TTC39B: variants seen among roughly 807,000 people sequenced by gnomAD.
TTC39B encodes tetratricopeptide repeat protein 39B.
TTC39B carries 92 observed loss-of-function variants against 96.6 expected under a neutral mutation model. The ratio of observed to expected loss-of-function variants is 0.95; its 90% confidence interval spans 0.80 to 1.13. The LOEUF (loss-of-function observed/expected upper bound fraction) is 1.13, where lower values mean the gene tolerates loss of function less well. Among genes scored for constraint, TTC39B ranks in the 50% most tolerant of loss-of-function variants. TTC39B has a pLI of 0.00. For synonymous variants in TTC39B, 367 were observed against 299.4 expected, an observed-to-expected ratio of 1.23 and a Z score of -2.33; for missense variants, 955 against 809.3, an observed-to-expected ratio of 1.18 and a Z score of -2.18.
chr9:15,192,761 AT>A, intron 8 of TTC39B, 66 bp from the exon 9 acceptor site: 2 of 1,084,414 alleles, frequency 1.8e-6, no homozygotes, highest in Non-Finnish European at 1.4e-6. Context: ...ATTAAATCAA[AT>A]TTTACACTTA....
At chr9:15,201,282 T>A (rs1394407121) in intron 7 of TTC39B, among the ~76,000 whole-genome samples, 1 of 150,304 alleles carries the variant, frequency 6.7e-6, no homozygotes, top group African/African-American at 2.5e-5. Flanking sequence ...AACAAACATA[T>A]CTCATTTCAG....
chr9:15,272,247 A>G (rs905502825), intron 1 of TTC39B, among the ~76,000 whole-genome samples: 1 of 152,150 alleles, frequency 6.6e-6, no homozygotes, highest in African/African-American at 2.4e-5. Context: ...TCACGCATGT[A>G]TTCTTCATGT....
At chr9:15,192,203 C>T (rs1818897545) in intron 9 of TTC39B, among the ~76,000 whole-genome samples, 1 of 152,204 alleles carries the variant, frequency 6.6e-6, no homozygotes, top group Admixed American at 6.5e-5. Context: ...ACTCAGACTT[C>T]CATCTCCTCA....
chr9:15,186,903 T>C (rs1293892267), intron 15 of TTC39B, 41 bp downstream of exon 15: 3 of 1,581,394 alleles, frequency 1.9e-6, no homozygotes, highest in East Asian at 2.2e-5. Flanking sequence ...TGCCCCTTTA[T>C]ACCCTCAGAG....
chr9:15,233,360 A>C (rs924187058), intron 2 of TTC39B, among the ~76,000 whole-genome samples: 1 of 151,326 alleles, frequency 6.6e-6, no homozygotes, highest in Non-Finnish European at 1.5e-5. Context: ...CTCTCTCCCC[A>C]CGGTCTCCCT....
At chr9:15,208,475 A>G (rs1244096431) in intron 6 of TTC39B, among the ~76,000 whole-genome samples, 1 of 152,204 alleles carries the variant, frequency 6.6e-6, no homozygotes, top group Non-Finnish European at 1.5e-5. Context: ...TAGAGAGAGT[A>G]ACAGAAAGGA....
At chr9:15,296,813 A>T (rs990984828) in intron 1 of TTC39B, among the ~76,000 whole-genome samples, 1 of 151,716 alleles carries the variant, frequency 6.6e-6, no homozygotes, top group African/African-American at 2.4e-5. Context: ...AAATTTTTTT[A>T]AAAGGCAGGG....
At chr9:15,233,516 T>A (rs1192148724) in intron 2 of TTC39B, among the ~76,000 whole-genome samples, 1 of 149,660 alleles carries the variant, frequency 6.7e-6, no homozygotes, top group Non-Finnish European at 1.5e-5. Flanking sequence ...CCGCCACGCC[T>A]GACTGGTTTT....
chr9:15,226,965 T>C (rs1821154254), intron 2 of TTC39B, among the ~76,000 whole-genome samples: 1 of 151,356 alleles, frequency 6.6e-6, no homozygotes, highest in Non-Finnish European at 1.5e-5. Context: ...AGGAGAAGTT[T>C]TGCGTGTTTT....
At chr9:15,302,539 CAAAAAAAAA>C (rs145173046) in intron 1 of TTC39B, among the ~76,000 whole-genome samples, 2 of 46,760 alleles carry the variant, frequency 4.3e-5, no homozygotes, top group African/African-American at 9.8e-5. Flanking sequence ...GATTCCGTCT[CAAAAAAAAA>C]AAAAAAAAAA....
chr9:15,246,587 G>C (rs1822289913), intron 2 of TTC39B, among the ~76,000 whole-genome samples: 1 of 152,212 alleles, frequency 6.6e-6, no homozygotes, highest in Admixed American at 6.5e-5. Flanking sequence ...ACAACACTGT[G>C]TTAGTTTGGG....
intron 13 of TTC39B, among the ~76,000 whole-genome samples, chr9:15,188,780 G>C (rs547961873): frequency 5.2e-4 from 79 of 152,274 alleles, no homozygotes; most frequent in African/African-American, 1.6e-3. Context: ...TCTTAAGTGA[G>C]GAGGACAATT....
intron 19 of TTC39B, 59 bp downstream of exon 19, chr9:15,174,960 A>G: frequency 9.8e-7 from 1 of 1,022,668 alleles, no homozygotes; most frequent in South Asian, 1.3e-5. Context: ...CTGTTGTTAG[A>G]GCAGTACTGA....
At chr9:15,224,022 C>A (rs1304315985) in intron 3 of TTC39B, among the ~76,000 whole-genome samples, 5 of 152,152 alleles carry the variant, frequency 3.3e-5, no homozygotes, top group Admixed American at 3.3e-4. Flanking sequence ...ACACAAATCT[C>A]ATTCATTTCT....
rs751107490 is a variant in TTC39B at position 15,267,915 on chromosome 9, T to C, written c.274A>G (p.Ile92Val). 9 of 1,609,304 alleles carry C rather than the reference T, an allele frequency of 5.6e-6. No individual in the cohort carries two copies. In the African/African-American group the frequency reaches 9.4e-5, roughly 17 times the overall value. Residue 92 changes from isoleucine (I) to valine (V), a missense_variant and splice_region_variant, in exon 2 of 20, where the codon ATA (isoleucine) becomes GTA (valine). Physicochemically the swap from Ile to Val is conservative, Grantham distance 29 (BLOSUM62 3). Transcript: ENST00000512701. The stretch of plus-strand genomic sequence containing the variant: ...ACTTTTTATTATGTTATTACTTACA[T>C]TGAGATGGTTTCCAAGGCATCTTCG...
chr9:15,269,656 A>C (rs1036706836), intron 1 of TTC39B, among the ~76,000 whole-genome samples: 1 of 152,094 alleles, frequency 6.6e-6, no homozygotes, highest in African/African-American at 2.4e-5. Flanking sequence ...GTTGGAGACC[A>C]GCCTGGCCCA....
intron 3 of TTC39B, among the ~76,000 whole-genome samples, chr9:15,215,260 G>C (rs528121922): frequency 6.6e-6 from 1 of 151,832 alleles, no homozygotes; most frequent in African/African-American, 2.4e-5. Context: ...AAAATAAAAT[G>C]AGGCTGGGTG....
At chr9:15,280,678 A>C (rs1823728278) in intron 1 of TTC39B, among the ~76,000 whole-genome samples, 1 of 152,202 alleles carries the variant, frequency 6.6e-6, no homozygotes, top group African/African-American at 2.4e-5. Flanking sequence ...TGGTTGCTGC[A>C]GCTAGCTGGC....
At chr9:15,239,446 T>TA (rs1821940038) in intron 2 of TTC39B, among the ~76,000 whole-genome samples, 1 of 152,100 alleles carries the variant, frequency 6.6e-6, no homozygotes, top group Non-Finnish European at 1.5e-5. Flanking sequence ...AATCATTATA[T>TA]AAAAAAGATT....
Sources: allele counts gnomAD v4.1 joint callset (sites outside exome capture counted in the v4.1 genomes callset), GRCh38; gene constraint gnomAD v4.1.1; transcripts MANE v1.5; gene names NCBI Gene and HGNC (gene_info 2026-07-23, HGNC 2026-07-21).